PTPN21: variants seen among roughly 807,000 people sequenced by gnomAD.
The protein encoded by PTPN21 is protein tyrosine phosphatase non-receptor type 21, also known as tyrosine-protein phosphatase non-receptor type 21.
PTPN21 carries 77 observed loss-of-function variants against 131.8 expected under a neutral mutation model. The observed-to-expected ratio is 0.58, with a 90% confidence interval of 0.49 to 0.71. PTPN21 has a LOEUF of 0.71. Ranked by LOEUF, PTPN21 falls within the 30% of genes least tolerant of loss-of-function variation. PTPN21 has a pLI of 0.00. For missense variants in PTPN21, 1,552 were observed against 1,527.1 expected (o/e 1.02, Z -0.27); for synonymous variants, 715 against 621.3 (o/e 1.15, Z -2.24).
intron 2 of PTPN21, among the ~76,000 whole-genome samples, chr14:88,526,378 T>C (rs2078475611): frequency 6.6e-6 from 1 of 151,694 alleles, no homozygotes; most frequent in African/African-American, 2.4e-5. Flanking sequence ...TGAAACCCCA[T>C]TTCTACTAAA....
At chr14:88,549,504 C>G (rs905611107) in intron 2 of PTPN21, among the ~76,000 whole-genome samples, 12 of 152,190 alleles carry the variant, frequency 7.9e-5, no homozygotes, top group African/African-American at 2.7e-4. Flanking sequence ...GGACTACAGG[C>G]TCAACTCAGA....
At chr14:88,533,835 C>T (rs1451095716) in intron 2 of PTPN21, among the ~76,000 whole-genome samples, 2 of 152,060 alleles carry the variant, frequency 1.3e-5, no homozygotes, top group Non-Finnish European at 2.9e-5. Context: ...TGAGCCACTG[C>T]ACTACAGCCT....
At chr14:88,534,285 A>G (rs966639710) in intron 2 of PTPN21, among the ~76,000 whole-genome samples, 5 of 152,018 alleles carry the variant, frequency 3.3e-5, no homozygotes, top group African/African-American at 1.2e-4. Flanking sequence ...TGGGAGGCTG[A>G]AGCACAAAAA....
At position 88,479,468 on chromosome 14, in the gene PTPN21, G is replaced by A. The variant is rs760559636; in HGVS notation, c.1963C>T (p.Arg655Cys). 5.0e-6 allele frequency: 8 copies of A among 1,602,400 alleles called. No homozygotes were observed. The highest frequency in any genetic ancestry group is 2.2e-5 in the East Asian group (1 of 44,788). Residue 655 changes from arginine (R) to cysteine (C), a missense_variant, in exon 13 of 19, where the codon CGC (arginine) becomes TGC (cysteine). Physicochemically the swap from Arg to Cys is radical, Grantham distance 180 (BLOSUM62 -3). Coordinates refer to ENST00000556564, the MANE Select transcript of PTPN21 (RefSeq NM_007039.4). ...HGLEGLRLKERTLSASAAEVA... is the reference protein window; with the variant it reads ...HGLEGLRLKECTLSASAAEVA... Reference sequence around the variant, plus strand: ...TCTGCCGCCGACGCGGATAGGGTGCGCTCCTTGAGCCGCAGGCCCTCCAGG... The same window carrying A: ...TCTGCCGCCGACGCGGATAGGGTGCACTCCTTGAGCCGCAGGCCCTCCAGG...
chr14:88,544,460 G>A (rs1260141196), intron 2 of PTPN21, among the ~76,000 whole-genome samples: 1 of 152,142 alleles, frequency 6.6e-6, no homozygotes, highest in Non-Finnish European at 1.5e-5. Flanking sequence ...TGGTAATAAA[G>A]AAGAACACTT....
intron 10 of PTPN21, among the ~76,000 whole-genome samples, chr14:88,490,663 G>A (rs2077809658): frequency 6.6e-6 from 1 of 152,174 alleles, no homozygotes; most frequent in South Asian, 2.1e-4. Flanking sequence ...ACTCTAGTCA[G>A]TCTCCTGATT....
chr14:88,518,382 G>GTATATA (rs1566839863), intron 2 of PTPN21, among the ~76,000 whole-genome samples: 11 of 12,276 alleles, frequency 9.0e-4, no homozygotes, highest in African/African-American at 2.3e-3. Context: ...GTATGTGTGT[G>GTATATA]TGTGTATATA....
intron 4 of PTPN21, among the ~76,000 whole-genome samples, chr14:88,505,606 C>T (rs2078076279): frequency 6.6e-6 from 1 of 152,084 alleles, no homozygotes; most frequent in African/African-American, 2.4e-5. Flanking sequence ...AAGTTGCAAG[C>T]TCTATGTAAT....
At position 88,474,620 on chromosome 14, in the gene PTPN21, C is replaced by T. The variant is rs1005327358; in HGVS notation, c.2512-818G>A. 3.3e-5 allele frequency among the ~76,000 whole-genome samples: 5 copies of T among 151,996 alleles called. No individual in the cohort carries two copies. The South Asian group carries it at 6.2e-4, about 19-fold the overall frequency. ...CATTCTAGTGCAGACTTAGATGACCCGGGTTAGATCACGCTACCTCTCAGA... is the reference window on the plus strand; with the variant it reads ...CATTCTAGTGCAGACTTAGATGACCTGGGTTAGATCACGCTACCTCTCAGA... On this transcript the variant is annotated intron_variant, in intron 13 of 18. Transcript: ENST00000556564.
At chr14:88,473,067 G>A (rs2077495295) in intron 14 of PTPN21, among the ~76,000 whole-genome samples, 1 of 152,062 alleles carries the variant, frequency 6.6e-6, no homozygotes, top group South Asian at 2.1e-4. Flanking sequence ...TTCTCCTGGG[G>A]AACAGTAAGT....
intron 10 of PTPN21, among the ~76,000 whole-genome samples, chr14:88,494,700 C>G (rs2077877788): frequency 6.6e-6 from 1 of 151,128 alleles, no homozygotes; most frequent in South Asian, 2.1e-4. Context: ...AGTGGAATGC[C>G]AAAGGAGGGT....
intron 13 of PTPN21, chr14:88,474,023 G>A (rs2077510396): frequency 5.0e-6 from 2 of 401,038 alleles, no homozygotes; most frequent in Non-Finnish European, 8.7e-6. Flanking sequence ...CCAGATAGAA[G>A]GTTTTGAAAC....
intron 2 of PTPN21, among the ~76,000 whole-genome samples, chr14:88,517,618 T>C (rs2078293568): frequency 6.9e-6 from 1 of 144,820 alleles, no homozygotes; most frequent in South Asian, 2.2e-4. Flanking sequence ...CCTTGGTTTT[T>C]CAATTACTAA....
At chr14:88,504,341 G>T in intron 6 of PTPN21, 84 bp downstream of exon 6, 1 of 1,104,622 alleles carries the variant, frequency 9.1e-7, no homozygotes, top group Non-Finnish European at 1.4e-6. Context: ...TATTAATCAT[G>T]TAAATTAAAT....
chr14:88,507,129 T>C (rs1266807649), intron 4 of PTPN21, among the ~76,000 whole-genome samples: 1 of 151,798 alleles, frequency 6.6e-6, no homozygotes, highest in African/African-American at 2.4e-5. Context: ...CCTATTGAAA[T>C]AAATAAAAAG....
At chr14:88,534,192 G>C (rs1056751232) in intron 2 of PTPN21, among the ~76,000 whole-genome samples, 1 of 150,870 alleles carries the variant, frequency 6.6e-6, no homozygotes, top group Admixed American at 6.6e-5. Context: ...TGGCCAACGC[G>C]GCAAAAACCC....
At chr14:88,516,633 T>C (rs539584919) in intron 3 of PTPN21, among the ~76,000 whole-genome samples, 36 of 152,254 alleles carry the variant, frequency 2.4e-4, no homozygotes, top group African/African-American at 7.7e-4. Flanking sequence ...TCTTAAACAC[T>C]TCCCTCCCTC....
intron 3 of PTPN21, among the ~76,000 whole-genome samples, chr14:88,509,388 C>T (rs2078144455): frequency 6.6e-6 from 1 of 152,168 alleles, no homozygotes; most frequent in Non-Finnish European, 1.5e-5. Context: ...TGACAGCCCA[C>T]CCCTTTAATC....
At chr14:88,501,146 G>A in intron 7 of PTPN21, 135 bp downstream of exon 7, 4 of 822,434 alleles carry the variant, frequency 4.9e-6, no homozygotes, top group Non-Finnish European at 8.0e-6. Flanking sequence ...TGGTCACCAG[G>A]ACCTCAGCTT....
Sources: gnomAD v4.1 joint callset for allele counts (sites outside exome capture counted in the v4.1 genomes callset) on GRCh38, gnomAD v4.1.1 for gene constraint, MANE v1.5 for transcripts, NCBI Gene and HGNC (gene_info 2026-07-23, HGNC 2026-07-21) for gene names.